GABRB1: variants seen among roughly 807,000 people sequenced by gnomAD.
GABRB1 encodes gamma-aminobutyric acid receptor subunit beta-1.
GABRB1 carries 17 observed loss-of-function variants against 51.6 expected under a neutral mutation model. The observed-to-expected ratio is 0.33, with a 90% CI of 0.23 to 0.49. The LOEUF is 0.49. Among genes scored for constraint, GABRB1 ranks in the 20% least tolerant of loss-of-function variants. GABRB1 has a pLI of 0.99. For missense variants in GABRB1, 410 were observed against 600.6 expected (o/e 0.68, Z 3.32); for synonymous variants, 247 against 218.9 (o/e 1.13, Z -1.14).
At chr4:47,166,008 A>G (rs1718168380) in intron 4 of GABRB1, among the ~76,000 whole-genome samples, 2 of 151,912 alleles carry the variant, frequency 1.3e-5, no homozygotes, top group Non-Finnish European at 2.9e-5. Context: ...ATCTAAATTA[A>G]CATCCTCACT....
chr4:47,298,970 G>C (rs1191661982), intron 4 of GABRB1, among the ~76,000 whole-genome samples: 2 of 151,788 alleles, frequency 1.3e-5, no homozygotes, highest in African/African-American at 2.4e-5. Context: ...ACAAAGCTGA[G>C]AAAAACAAGC....
At chr4:47,153,159 G>A (rs1717540178) in intron 3 of GABRB1, among the ~76,000 whole-genome samples, 4 of 151,972 alleles carry the variant, frequency 2.6e-5, no homozygotes, top group Non-Finnish European at 5.9e-5. Context: ...AGTTCCTTGA[G>A]GCAGAGAACA....
At chr4:47,321,182 A>C (rs1725068861) in intron 5 of GABRB1, among the ~76,000 whole-genome samples, 1 of 152,228 alleles carries the variant, frequency 6.6e-6, no homozygotes, top group Non-Finnish European at 1.5e-5. Flanking sequence ...AGTACCACTT[A>C]ATGTAATGTT....
chr4:47,012,565 T>C (rs56984276), intron 1 of GABRB1, among the ~76,000 whole-genome samples: 73,541 of 152,034 alleles, frequency 0.48, 17,927 homozygotes, highest in East Asian at 0.53. Context: ...TGTTTAAACA[T>C]TGTCATGGTA....
intron 3 of GABRB1, among the ~76,000 whole-genome samples, chr4:47,151,245 T>C (rs143234653): frequency 1.1e-4 from 16 of 152,102 alleles, no homozygotes; most frequent in African/African-American, 3.9e-4. Context: ...TGAATCCTTT[T>C]CCACTCTATT....
chr4:47,341,168 T>C (rs923304213), intron 5 of GABRB1, among the ~76,000 whole-genome samples: 1 of 152,184 alleles, frequency 6.6e-6, no homozygotes, highest in Non-Finnish European at 1.5e-5. Context: ...ATTTACAAGC[T>C]GTTGAGTCAT....
intron 3 of GABRB1, among the ~76,000 whole-genome samples, chr4:47,040,769 T>C (rs1725805921): frequency 6.6e-6 from 1 of 152,014 alleles, no homozygotes; most frequent in African/African-American, 2.4e-5. Flanking sequence ...GTGAAATGCG[T>C]TGGTTAGAGA....
At chr4:47,090,691 G>T (rs1728254333) in intron 3 of GABRB1, among the ~76,000 whole-genome samples, 1 of 152,158 alleles carries the variant, frequency 6.6e-6, no homozygotes, top group East Asian at 1.9e-4. Flanking sequence ...ATAGCTAAAC[G>T]TTAGAGAACC....
Position 47,014,007 on chromosome 4 carries a change from A to G in GABRB1, c.-19-17907A>G, listed in dbSNP as rs139569715. On this transcript the variant is annotated intron_variant, in intron 1 of 3. Transcript: ENST00000513567. ...AATGTCACAAAATTTTGTCCCATTTATTTTAATTATAAAATTTTATAGGAT... is the reference window on the plus strand; with the variant it reads ...AATGTCACAAAATTTTGTCCCATTTGTTTTAATTATAAAATTTTATAGGAT... Among the ~76,000 whole-genome samples the G allele has an allele frequency of 9.5e-3, 1,440 of 152,240 alleles. 21 individuals carry two copies. The highest frequency in any genetic ancestry group is 0.032 in the African/African-American group (1,327 of 41,558).
intron 4 of GABRB1, among the ~76,000 whole-genome samples, chr4:47,162,530 A>G (rs1423272911): frequency 6.6e-6 from 1 of 152,082 alleles, no homozygotes; most frequent in Non-Finnish European, 1.5e-5. Flanking sequence ...CATTTCCCAA[A>G]TTATTACCAG....
chr4:47,073,683 G>A (rs1177073559), intron 3 of GABRB1, among the ~76,000 whole-genome samples: 1 of 152,118 alleles, frequency 6.6e-6, no homozygotes, highest in African/African-American at 2.4e-5. Context: ...CTGCCTTTAA[G>A]CTGCTAATAA....
At chr4:47,342,886 T>C (rs1725954532) in intron 5 of GABRB1, among the ~76,000 whole-genome samples, 1 of 152,092 alleles carries the variant, frequency 6.6e-6, no homozygotes, top group African/African-American at 2.4e-5. Flanking sequence ...TACCTGACCC[T>C]TAAGTATTTC....
At chr4:47,142,682 A>G (rs1716983581) in intron 3 of GABRB1, among the ~76,000 whole-genome samples, 1 of 151,920 alleles carries the variant, frequency 6.6e-6, no homozygotes, top group South Asian at 2.1e-4. Flanking sequence ...AAGATCAGTA[A>G]GAGTGAGGGG....
intron 8 of GABRB1, among the ~76,000 whole-genome samples, chr4:47,410,286 G>C (rs761931165): frequency 1.2e-4 from 19 of 152,158 alleles, no homozygotes; most frequent in Non-Finnish European, 2.6e-4. Flanking sequence ...ACAGGGCAGA[G>C]TACTTTGTAT....
chr4:47,333,223 TATATATATATATACAC>T (rs1281593591), intron 5 of GABRB1, among the ~76,000 whole-genome samples: 1 of 42,628 alleles, frequency 2.3e-5, no homozygotes, highest in Admixed American at 2.0e-4. Flanking sequence ...TATATATATA[TATATATATATATACAC>T]ACCACGTATT....
chr4:47,167,608 C>T (rs1023180039), intron 4 of GABRB1, among the ~76,000 whole-genome samples: 2 of 152,040 alleles, frequency 1.3e-5, no homozygotes, highest in Non-Finnish European at 2.9e-5. Context: ...TTTGTTTCCT[C>T]CAAAACTCAT....
At position 47,161,229 on chromosome 4, in the gene GABRB1, TTG is replaced by T. The variant is rs1577962968; in HGVS notation, c.241-19_241-18del. On this transcript the variant is annotated intron_variant, in intron 3 of 8. Transcript: ENST00000295454. ...TGATAGTAAAATTCTTTTTTTTTTT[TTG>T]CTTTCTTTATTTCACAGGATTATAC... is the stretch of plus-strand genomic sequence containing the variant. 9 of 1,460,438 alleles carry T rather than the reference TTG, an allele frequency of 6.2e-6. No individual in the cohort carries two copies. The highest frequency in any genetic ancestry group is 1.4e-5 in the African/African-American group (1 of 70,224). 90.5% of individuals were successfully genotyped at this position (1,460,438 alleles called of 1,614,324 possible). A position where few individuals can be genotyped will look rare whatever the true frequency, so the allele number is the denominator to read the frequency against.
At chr4:47,288,008 G>T (rs887137037) in intron 4 of GABRB1, among the ~76,000 whole-genome samples, 4 of 152,176 alleles carry the variant, frequency 2.6e-5, no homozygotes, top group African/African-American at 9.7e-5. Flanking sequence ...GAAAGGGCTT[G>T]AGGCAGAGGC....
At chr4:47,312,764 A>C (rs1215942823) in intron 4 of GABRB1, among the ~76,000 whole-genome samples, 1 of 152,210 alleles carries the variant, frequency 6.6e-6, no homozygotes, top group African/African-American at 2.4e-5. Flanking sequence ...ATTATAGGAA[A>C]ACCTCAACTG....
Sources: gnomAD v4.1 joint callset for allele counts (sites outside exome capture counted in the v4.1 genomes callset) on GRCh38, gnomAD v4.1.1 for gene constraint, MANE v1.5 for transcripts, NCBI Gene and HGNC (gene_info 2026-07-23, HGNC 2026-07-21) for gene names.